STK33: variants seen among roughly 807,000 people sequenced by gnomAD.
STK33 encodes serine/threonine-protein kinase 33.
In STK33, 52 loss-of-function variants were observed where a neutral mutation model predicts 58.0. That is an observed-to-expected ratio of 0.90 (90% CI 0.72 to 1.13). The LOEUF is 1.13. Among genes scored for constraint, STK33 ranks in the 50% most tolerant of loss-of-function variants. The pLI is 0.00. For missense variants in STK33, 630 were observed against 604.2 expected, an observed-to-expected ratio of 1.04 and a Z score of -0.45; for synonymous variants, 215 against 200.1, an observed-to-expected ratio of 1.07 and a Z score of -0.63.
intron 14 of STK33, among the ~76,000 whole-genome samples, chr11:8,415,116 A>T (rs771165570): frequency 4.6e-5 from 7 of 152,004 alleles, no homozygotes; most frequent in Non-Finnish European, 8.8e-5. Flanking sequence ...CCTGACCTCT[A>T]ACTTAATTTT....
the STK33 span, among the ~76,000 whole-genome samples, chr11:8,349,648 C>T: frequency 5.3e-5 from 8 of 152,242 alleles, no homozygotes; most frequent in Non-Finnish European, 8.8e-5. Flanking sequence ...CCTGGGGTGG[C>T]CTTGGCCAAT....
chr11:8,542,339 T>C (rs768692173), intron 1 of STK33, among the ~76,000 whole-genome samples: 2 of 152,114 alleles, frequency 1.3e-5, no homozygotes, highest in Non-Finnish European at 2.9e-5. Flanking sequence ...ACATGGAACA[T>C]GTACAAATCT....
intron 1 of STK33, among the ~76,000 whole-genome samples, chr11:8,519,357 T>C (rs763668553): frequency 1.3e-5 from 2 of 152,048 alleles, no homozygotes; most frequent in African/African-American, 4.8e-5. Flanking sequence ...TAGAGGGAAA[T>C]TTATAGCACT....
At chr11:8,524,816 G>T (rs577578171) in intron 1 of STK33, among the ~76,000 whole-genome samples, 204 of 151,678 alleles carry the variant, frequency 1.3e-3, no homozygotes, top group African/African-American at 4.7e-3. Flanking sequence ...TGCCAATATG[G>T]TAGATCTTAT....
intron 15 of STK33, among the ~76,000 whole-genome samples, chr11:8,394,226 A>G (rs1338301751): frequency 6.6e-6 from 1 of 152,172 alleles, no homozygotes; most frequent in African/African-American, 2.4e-5. Context: ...TAAGGTGAGG[A>G]TACAACACCC....
chr11:8,508,143 G>A (rs1952011960), intron 1 of STK33, among the ~76,000 whole-genome samples: 1 of 151,978 alleles, frequency 6.6e-6, no homozygotes, highest in Admixed American at 6.5e-5. Flanking sequence ...TGCCCACCTT[G>A]GCCTCCTAGA....
intron 10 of STK33, 46 bp from the exon 11 acceptor site, chr11:8,452,952 A>G: frequency 6.6e-7 from 1 of 1,513,696 alleles, no homozygotes; most frequent in Non-Finnish European, 9.2e-7. Flanking sequence ...CCTGTCCTAG[A>G]GCTCACTCAT....
chr11:8,375,389 C>T, the STK33 span, among the ~76,000 whole-genome samples: 1 of 152,268 alleles, frequency 6.6e-6, no homozygotes, highest in African/African-American at 2.4e-5. Flanking sequence ...CCACTTCCTC[C>T]CCCCATTGCT....
Position 8,450,746 on chromosome 11 carries a change from G to A in STK33, c.871+2076C>T, listed in dbSNP as rs189999263. 2.6e-3 allele frequency among the ~76,000 whole-genome samples: 395 copies of A among 152,228 alleles called. 2 individuals carry two copies. The highest frequency in any genetic ancestry group is 8.7e-3 in the African/African-American group (363 of 41,544). On this transcript the variant is annotated intron_variant, in intron 11 of 15. Transcript: ENST00000687296. Reference sequence around the variant, plus strand: ...GTCAAAGCTCCTAAATAAAAGTGCTGACAAATTGAATAATGCAGTACATTA... The same window carrying A: ...GTCAAAGCTCCTAAATAAAAGTGCTAACAAATTGAATAATGCAGTACATTA...
intron 1 of STK33, among the ~76,000 whole-genome samples, chr11:8,563,935 G>T (rs1014937513): frequency 1.3e-5 from 2 of 151,920 alleles, no homozygotes; most frequent in African/African-American, 4.8e-5. Context: ...TGAACTGTGG[G>T]GAAAAAAAAG....
chr11:8,418,085 ATTTT>A (rs146612983), intron 14 of STK33, among the ~76,000 whole-genome samples: 5 of 150,228 alleles, frequency 3.3e-5, no homozygotes, highest in African/African-American at 1.2e-4. Context: ...CTGGCTTTTC[ATTTT>A]TTTTTTAATT....
intron 1 of STK33, among the ~76,000 whole-genome samples, chr11:8,546,645 T>C (rs972513330): frequency 2.1e-5 from 3 of 141,002 alleles, no homozygotes; most frequent in Non-Finnish European, 4.7e-5. Flanking sequence ...TCTACTTCCA[T>C]GGCATTAACT....
At chr11:8,520,126 A>C (rs750363830) in intron 1 of STK33, among the ~76,000 whole-genome samples, 3 of 152,222 alleles carry the variant, frequency 2.0e-5, no homozygotes, top group Non-Finnish European at 4.4e-5. Flanking sequence ...CCAGCAGCAC[A>C]TCAAAAAGCT....
the STK33 span, among the ~76,000 whole-genome samples, chr11:8,346,097 G>A: frequency 1.3e-5 from 2 of 152,198 alleles, no homozygotes; most frequent in African/African-American, 2.4e-5. Context: ...GACAATTCTC[G>A]CAGGTGTGAC....
chr11:8,561,663 T>C (rs1957120285), intron 1 of STK33, among the ~76,000 whole-genome samples: 1 of 152,170 alleles, frequency 6.6e-6, no homozygotes, highest in Admixed American at 6.5e-5. Context: ...CAATAACACA[T>C]ATGTTGGATC....
chr11:8,419,723 GCT>G (rs1027075205), intron 14 of STK33, among the ~76,000 whole-genome samples: 19 of 152,018 alleles, frequency 1.2e-4, no homozygotes, highest in African/African-American at 4.1e-4. Flanking sequence ...AGCATGTAAT[GCT>G]TTTCCGTTTT....
chr11:8,469,677 A>T (rs1398694280), intron 6 of STK33, among the ~76,000 whole-genome samples: 3 of 152,248 alleles, frequency 2.0e-5, no homozygotes, highest in African/African-American at 7.2e-5. Flanking sequence ...TGTGGCAGAT[A>T]TAACCTTATG....
At chr11:8,401,943 G>A (rs1373539371) in intron 15 of STK33, among the ~76,000 whole-genome samples, 20 of 152,110 alleles carry the variant, frequency 1.3e-4, no homozygotes, top group South Asian at 2.1e-4. Context: ...TTAGAATGGC[G>A]ATCATTAAAA....
At chr11:8,377,723 C>T in the STK33 span, among the ~76,000 whole-genome samples, 225 of 152,288 alleles carry the variant, frequency 1.5e-3, no homozygotes, top group Non-Finnish European at 2.7e-3. Flanking sequence ...CCTGAAGACT[C>T]CTCCAAAAGA....
Sources: gnomAD v4.1 joint callset for allele counts (sites outside exome capture counted in the v4.1 genomes callset) on GRCh38, gnomAD v4.1.1 for gene constraint, MANE v1.5 for transcripts, NCBI Gene and HGNC (gene_info 2026-07-23, HGNC 2026-07-21) for gene names.